MAGI3: variants seen among roughly 807,000 people sequenced by gnomAD.
The protein encoded by MAGI3 is membrane associated guanylate kinase, WW and PDZ domain containing 3, also known as membrane-associated guanylate kinase, WW and PDZ domain-containing protein 3.
A neutral mutation model predicts 121.8 loss-of-function variants in MAGI3; 43 were observed. That is an observed-to-expected ratio of 0.35 (90% CI 0.28 to 0.46). The LOEUF is 0.46. MAGI3 is among the 20% of genes least tolerant of loss of function. The pLI, the probability that MAGI3 is intolerant of heterozygous loss-of-function variation, is 1.00. For missense variants in MAGI3, 1,547 were observed against 1,797.3 expected (o/e 0.86, Z 2.52); for synonymous variants, 553 against 639.3 (o/e 0.86, Z 2.04).
At chr1:113,453,201 A>T (rs936772870) in intron 1 of MAGI3, among the ~76,000 whole-genome samples, 6 of 152,170 alleles carry the variant, frequency 3.9e-5, no homozygotes, top group African/African-American at 1.4e-4. Context: ...ACATAAATTG[A>T]TATAAATTTT....
At chr1:113,392,555 TTACATATGTC>T (rs1437148930) in intron 1 of MAGI3, among the ~76,000 whole-genome samples, 6 of 152,206 alleles carry the variant, frequency 3.9e-5, no homozygotes, top group Admixed American at 2.0e-4. Flanking sequence ...GTGGTGCAGT[TTACATATGTC>T]TGTGTATTGT....
chr1:113,623,770 A>C (rs1278955769), intron 9 of MAGI3, among the ~76,000 whole-genome samples: 2 of 152,036 alleles, frequency 1.3e-5, no homozygotes, highest in Non-Finnish European at 2.9e-5. Context: ...TACAGACGTG[A>C]GCCACACCGC....
At chr1:113,526,466 T>TGAGA (rs142523782) in intron 1 of MAGI3, among the ~76,000 whole-genome samples, 2 of 151,772 alleles carry the variant, frequency 1.3e-5, no homozygotes, top group Non-Finnish European at 2.9e-5. Flanking sequence ...GCTCTACGTA[T>TGAGA]GAGAGAGAGA....
intron 9 of MAGI3, among the ~76,000 whole-genome samples, chr1:113,637,055 G>T (rs1652079014): frequency 6.6e-6 from 1 of 152,192 alleles, no homozygotes; most frequent in African/African-American, 2.4e-5. Context: ...TGCAACCCTT[G>T]TCTTTTTTTT....
chr1:113,634,299 G>A (rs1473458291), intron 9 of MAGI3, among the ~76,000 whole-genome samples: 7 of 151,746 alleles, frequency 4.6e-5, no homozygotes, highest in African/African-American at 1.7e-4. Flanking sequence ...TTTTAGACAT[G>A]AAGTCCTTGC....
intron 1 of MAGI3, among the ~76,000 whole-genome samples, chr1:113,514,730 A>T (rs1164679564): frequency 1.3e-5 from 2 of 152,192 alleles, no homozygotes; most frequent in Admixed American, 6.6e-5. Context: ...ACATATAGTA[A>T]CTAACCTGCA....
intron 2 of MAGI3, among the ~76,000 whole-genome samples, chr1:113,558,215 G>A (rs1660078959): frequency 6.6e-6 from 1 of 152,170 alleles, no homozygotes; most frequent in Non-Finnish European, 1.5e-5. Context: ...AGGCTGAGAT[G>A]GCTGAAATGA....
chr1:113,647,696 C>T (rs572714706), intron 12 of MAGI3, among the ~76,000 whole-genome samples: 3 of 152,236 alleles, frequency 2.0e-5, no homozygotes, highest in Admixed American at 2.0e-4. Flanking sequence ...TGACTTAATG[C>T]TTATTTAACT....
intron 1 of MAGI3, among the ~76,000 whole-genome samples, chr1:113,446,618 T>C (rs2101473393): frequency 6.6e-6 from 1 of 152,322 alleles, no homozygotes; most frequent in Middle Eastern, 3.4e-3. Flanking sequence ...GATTCACTTA[T>C]ATCCTGTCTA....
intron 1 of MAGI3, among the ~76,000 whole-genome samples, chr1:113,442,059 G>A (rs1207641933): frequency 1.3e-5 from 2 of 152,078 alleles, no homozygotes; most frequent in Admixed American, 6.6e-5. Context: ...GCAAATCAAT[G>A]TTAATGCCAG....
intron 9 of MAGI3, among the ~76,000 whole-genome samples, chr1:113,628,592 A>G (rs545694906): frequency 6.6e-6 from 1 of 152,310 alleles, no homozygotes; most frequent in Non-Finnish European, 1.5e-5. Context: ...CATTTCTTGT[A>G]GGAGAGATCT....
In MAGI3 at chr1:113,646,638, T is replaced by C; in HGVS notation, c.2151T>C (p.Asp717=). Residue 717 remains aspartate (D), a synonymous_variant, in exon 12 of 21, where the codon GAT becomes GAC. Coordinates refer to ENST00000307546, the MANE Select transcript of MAGI3 (RefSeq NM_001142782.2). ...TGAAATCTAAGACTTTATATGAAGA[T>C]AAACGTAAGTAGTTGTGGAATATTT... The part of the protein sequence containing the change: ...VYLKSKTLYE[D]KPPNTKDLDV... 1.9e-6 allele frequency: 3 copies of C among 1,586,686 alleles called. No individual in the cohort carries two copies. The highest frequency in any genetic ancestry group is 2.6e-6 in the Non-Finnish European group (3 of 1,167,596).
chr1:113,392,558 C>T (rs1296941518), intron 1 of MAGI3, among the ~76,000 whole-genome samples: 5 of 152,148 alleles, frequency 3.3e-5, no homozygotes, highest in Admixed American at 2.6e-4. Flanking sequence ...GTGCAGTTTA[C>T]ATATGTCTGT....
At position 113,541,915 on chromosome 1, in the gene MAGI3, G is replaced by A. The variant is rs138829480; in HGVS notation, c.317-7600G>A. On this transcript the variant is annotated intron_variant, in intron 1 of 20. Coordinates refer to ENST00000307546, the MANE Select transcript of MAGI3 (RefSeq NM_001142782.2). Reference sequence around the variant, plus strand: ...TTCTCTCAGTTCCTCTAACCACTGTGTTCTTCCCCAGCTCAAGTAAGTGCT... The same window carrying A: ...TTCTCTCAGTTCCTCTAACCACTGTATTCTTCCCCAGCTCAAGTAAGTGCT... Among the ~76,000 whole-genome samples the A allele has an allele frequency of 5.6e-3, 855 of 152,264 alleles. 9 individuals carry two copies. Among genetic ancestry groups the A allele is most frequent in the African/African-American group, 0.019 (806 of 41,546 alleles).
chr1:113,468,101 T>TTGTGTTTCTTTATAGGTGC (rs1221913668), intron 1 of MAGI3, among the ~76,000 whole-genome samples: 1 of 152,198 alleles, frequency 6.6e-6, no homozygotes, highest in African/African-American at 2.4e-5. Flanking sequence ...CTTTCTGTCT[T>TTGTGTTTCTTTATAGGTGC]TGTGTTTCTT....
At chr1:113,555,135 C>T (rs1431197974) in intron 2 of MAGI3, among the ~76,000 whole-genome samples, 2 of 150,136 alleles carry the variant, frequency 1.3e-5, no homozygotes, top group Non-Finnish European at 3.0e-5. Flanking sequence ...AAAACGCCAA[C>T]CTGGATTTCT....
At chr1:113,511,184 A>ATAG (rs1038489205) in intron 1 of MAGI3, among the ~76,000 whole-genome samples, 1 of 152,238 alleles carries the variant, frequency 6.6e-6, no homozygotes, top group African/African-American at 2.4e-5. Context: ...TCTAAGGAAT[A>ATAG]TAGTACCTTT....
chr1:113,643,693 T>A, intron 10 of MAGI3, 50 bp from the exon 11 acceptor site: 1 of 1,575,866 alleles, frequency 6.3e-7, no homozygotes, highest in Non-Finnish European at 8.7e-7. Flanking sequence ...GTATTTGTGA[T>A]CTGGGAATGC....
rs559992059 is a variant in MAGI3, at chr1:113,627,462, G to C, written c.1360+4468G>C. Among the ~76,000 whole-genome samples the C allele has an allele frequency of 8.6e-5, 13 of 151,552 alleles. No individual in the cohort carries two copies. The East Asian group carries it at 9.7e-4, about 11-fold the overall frequency. ...TCCATGTAGTCTATAGTGCAGATTA[G>C]GTCTGATGTTTCCTTGTTGATTTTC... On this transcript the variant is annotated intron_variant, in intron 9 of 20. Coordinates refer to ENST00000307546, the MANE Select transcript of MAGI3 (RefSeq NM_001142782.2).
Sources: allele counts gnomAD v4.1 joint callset (sites outside exome capture counted in the v4.1 genomes callset), GRCh38; gene constraint gnomAD v4.1.1; transcripts MANE v1.5; gene names NCBI Gene and HGNC (gene_info 2026-07-23, HGNC 2026-07-21).